Variants in XKR6 observed in about 807,000 individuals in gnomAD.
XKR6 encodes XK-related protein 6.
In XKR6, 22 loss-of-function variants were observed where a neutral mutation model predicts 56.7. The ratio of observed to expected loss-of-function variants is 0.39; its 90% CI spans 0.28 to 0.55. The LOEUF is 0.55. XKR6 is among the 20% of genes least tolerant of loss of function. The pLI is 0.66. For synonymous variants in XKR6, 524 were observed against 387.8 expected (o/e 1.35, Z -4.13); for missense variants, 852 against 889.0 (o/e 0.96, Z 0.53).
intron 1 of XKR6, among the ~76,000 whole-genome samples, chr8:11,123,193 T>C (rs1183598235): frequency 2.0e-5 from 3 of 147,552 alleles, no homozygotes; most frequent in Non-Finnish European, 4.5e-5. Context: ...GCCGAGATTG[T>C]GCCACTGCAC....
rs1312297705 is a variant in XKR6, at chr8:11,201,754, G to T, written c.-415C>A. On this transcript the variant is annotated 5_prime_UTR_variant, in exon 1 of 3. Coordinates refer to ENST00000416569, the MANE Select transcript of XKR6 (RefSeq NM_173683.4). ...AGGCGGTCCAAAGTGATCCCTGGAG[G>T]GGGCAGTGCCAGACGTTTTGGGGTC... 6.6e-6 allele frequency among the ~76,000 whole-genome samples: 1 copy of T among 152,192 alleles called. No homozygotes were observed. The highest frequency in any genetic ancestry group is 2.4e-5 in the African/African-American group (1 of 41,450).
chr8:11,068,290 T>C lies in XKR6; in HGVS notation c.764+132286A>G, dbSNP rs528453429. Among the ~76,000 whole-genome samples, 3 of 151,450 alleles carry C rather than the reference T, an allele frequency of 2.0e-5. No individual in the cohort carries two copies. The East Asian group carries it at 5.9e-4, about 30-fold the overall frequency. ...AGAGGCAGCCTGGGGGCGGCTATGG[T>C]CATCTTGATGACTGAGTAAGGGCAT... On this transcript the variant is annotated intron_variant, in intron 1 of 2. Transcript: ENST00000416569.
rs147424844 is a variant in XKR6, at chr8:11,158,479, C to G, written c.764+42097G>C. Among the ~76,000 whole-genome samples the G allele has an allele frequency of 2.5e-3, 375 of 152,296 alleles. 3 individuals carry two copies. The highest frequency in any genetic ancestry group is 6.8e-3 in the Middle Eastern group (2 of 294). ...AGACAACCGGATTTTCACTCTGCTT[C>G]AGGAGCTGTGCCTAGAAACTTCGCC... is the stretch of plus-strand genomic sequence containing the variant. On this transcript the variant is annotated intron_variant, in intron 1 of 2. Transcript: ENST00000416569.
intron 1 of XKR6, among the ~76,000 whole-genome samples, chr8:10,951,300 G>GTGTGTGTGTGTGTGTGTGTGTGTGTGT (rs988183717): frequency 8.2e-6 from 1 of 122,310 alleles, no homozygotes; most frequent in African/African-American, 4.2e-5. Context: ...TGTGTGTGTG[G>GTGTGTGTGTGTGTGTGTGTGTGTGTGT]GGGGGGGGGG....
intron 1 of XKR6, among the ~76,000 whole-genome samples, chr8:11,038,003 G>A (rs1799189486): frequency 6.7e-6 from 1 of 149,844 alleles, no homozygotes; most frequent in Non-Finnish European, 1.5e-5. Flanking sequence ...GTCCAGCCTG[G>A]GCAACAGAGT....
At chr8:11,104,891 T>G (rs1055723818) in intron 1 of XKR6, 1 of 152,238 alleles carries the variant, frequency 6.6e-6, no homozygotes, top group Admixed American at 6.5e-5. Context: ...CAGTGCTTTT[T>G]CACATATAAC....
chr8:10,976,197 C>G (rs988443683), intron 1 of XKR6, among the ~76,000 whole-genome samples: 14 of 151,968 alleles, frequency 9.2e-5, no homozygotes, highest in Non-Finnish European at 1.8e-4. Flanking sequence ...AAAGTGCCCC[C>G]CCCCAACCTC....
At position 11,169,910 on chromosome 8, in the gene XKR6, A is replaced by G. The variant is rs1285568010; in HGVS notation, c.764+30666T>C. Among the ~76,000 whole-genome samples, 5 of 152,258 alleles carry G rather than the reference A, an allele frequency of 3.3e-5. No individual in the cohort carries two copies. In the East Asian group the frequency reaches 5.8e-4, roughly 18 times the overall value. Reference sequence around the variant, plus strand: ...TTTTGTGTTCGTATATTTTACAATAAATTTTTAATATAAAAAAGTGGGGAA... The same window carrying G: ...TTTTGTGTTCGTATATTTTACAATAGATTTTTAATATAAAAAAGTGGGGAA... On this transcript the variant is annotated intron_variant, in intron 1 of 2. Coordinates refer to ENST00000416569, the MANE Select transcript of XKR6 (RefSeq NM_173683.4).
chr8:10,935,148 A>G (rs1380887264), intron 1 of XKR6, among the ~76,000 whole-genome samples: 2 of 89,230 alleles, frequency 2.2e-5, no homozygotes, highest in East Asian at 4.0e-4. Context: ...GTGTCGAGGA[A>G]TTTATCCATT....
intron 1 of XKR6, chr8:11,108,602 C>T: frequency 3.1e-6 from 1 of 321,008 alleles, no homozygotes; most frequent in Non-Finnish European, 6.0e-6. Context: ...TCTGGGGCAG[C>T]CCTTTGCAGA....
At chr8:10,993,835 C>T (rs932553837) in intron 1 of XKR6, among the ~76,000 whole-genome samples, 6 of 152,268 alleles carry the variant, frequency 3.9e-5, no homozygotes, top group African/African-American at 1.2e-4. Context: ...GGCTGGGGTT[C>T]CCTACCTCAC....
intron 1 of XKR6, among the ~76,000 whole-genome samples, chr8:11,082,139 T>A (rs965174827): frequency 6.6e-6 from 1 of 152,210 alleles, no homozygotes; most frequent in Non-Finnish European, 1.5e-5. Flanking sequence ...AGCTGTGACC[T>A]GGGCAGAGGA....
In XKR6 at chr8:10,930,217, A is replaced by G. The variant is rs1236695724; in HGVS notation, c.765-5387T>C. Among the ~76,000 whole-genome samples, 6 of 152,336 alleles carry G rather than the reference A, an allele frequency of 3.9e-5. No individual in the cohort carries two copies. In the East Asian group the frequency reaches 1.2e-3, roughly 29 times the overall value. On this transcript the variant is annotated intron_variant, in intron 1 of 2. Transcript: ENST00000416569. ...TCACCTATCTGGGCCCACAGTCTCCAGCTGCTTCTTATGACACTGTCAGAA... is the reference window on the plus strand; with the variant it reads ...TCACCTATCTGGGCCCACAGTCTCCGGCTGCTTCTTATGACACTGTCAGAA...
rs147217411 is a variant in XKR6, at chr8:11,185,997, A to G, written c.764+14579T>C. 6.8e-4 allele frequency among the ~76,000 whole-genome samples: 103 copies of G among 152,174 alleles called. 1 individual carries two copies. In the East Asian group the frequency reaches 0.02, roughly 29 times the overall value. ...CCCTCAGACTAAGAATGCTTTTTAT[A>G]TTTTTCGAGGGGACTGTGCATCAGA... On this transcript the variant is annotated intron_variant, in intron 1 of 2. Transcript: ENST00000416569.
intron 1 of XKR6, among the ~76,000 whole-genome samples, chr8:10,965,578 G>A (rs765932281): frequency 6.6e-6 from 1 of 152,216 alleles, no homozygotes; most frequent in Non-Finnish European, 1.5e-5. Context: ...CTGTGGGACG[G>A]GCTCCCGATT....
At chr8:10,993,652 T>C (rs1798044068) in intron 1 of XKR6, among the ~76,000 whole-genome samples, 2 of 152,204 alleles carry the variant, frequency 1.3e-5, no homozygotes, top group Non-Finnish European at 2.9e-5. Context: ...GAATCTCCCT[T>C]CTGCCCTGCT....
chr8:10,956,841 A>C (rs1801905597), intron 1 of XKR6, among the ~76,000 whole-genome samples: 1 of 151,798 alleles, frequency 6.6e-6, no homozygotes, highest in South Asian at 2.1e-4. Context: ...TACAGGTAAG[A>C]CCTCTCTCCT....
At position 11,056,189 on chromosome 8, in the gene XKR6, G is replaced by A. The variant is rs571416706; in HGVS notation, c.765-131359C>T. 4.6e-4 allele frequency among the ~76,000 whole-genome samples: 70 copies of A among 152,304 alleles called. No individual in the cohort carries two copies. The South Asian group carries it at 0.014, about 30-fold the overall frequency. On this transcript the variant is annotated intron_variant, in intron 1 of 2. Coordinates refer to ENST00000416569, the MANE Select transcript of XKR6 (RefSeq NM_173683.4). ...GAGGCTTCCGGAGGCGTCCTGCTGC[G>A]CTCCCCAGACTGGGAGGCAGAAGCA...
chr8:11,194,902 C>T, intron 1 of XKR6: 2 of 530,830 alleles, frequency 3.8e-6, no homozygotes, highest in South Asian at 5.1e-5. Context: ...AAATACTATG[C>T]TGCATCCCCA....
Sources: allele counts gnomAD v4.1 joint callset (sites outside exome capture counted in the v4.1 genomes callset), GRCh38; gene constraint gnomAD v4.1.1; transcripts MANE v1.5; gene names NCBI Gene and HGNC (gene_info 2026-07-23, HGNC 2026-07-21).